The following MYCBP2 variants were observed in gnomAD, a reference collection of about 807,000 sequenced individuals.
MYCBP2 encodes the protein MYC binding protein 2, also known as E3 ubiquitin-protein ligase MYCBP2.
In MYCBP2, 120 loss-of-function variants were observed where a neutral mutation model predicts 525.3. The observed-to-expected ratio is 0.23, with a 90% CI of 0.20 to 0.27. The LOEUF is 0.27. Among genes scored for constraint, MYCBP2 ranks in the 10% least tolerant of loss-of-function variants. MYCBP2 has a pLI of 1.00. For synonymous variants in MYCBP2, 1,894 were observed against 1,955.8 expected (o/e 0.97, Z 0.83); for missense variants, 4,149 against 5,657.1 (o/e 0.73, Z 8.55).
At chr13:77,118,966 G>A (rs921359927) in intron 55 of MYCBP2, among the ~76,000 whole-genome samples, 1 of 151,982 alleles carries the variant, frequency 6.6e-6, no homozygotes, top group African/African-American at 2.4e-5. Flanking sequence ...AAGCAGAATG[G>A]GGCAAAGTAT....
intron 8 of MYCBP2, among the ~76,000 whole-genome samples, chr13:77,264,662 T>A (rs74799193): frequency 6.6e-6 from 1 of 152,124 alleles, no homozygotes; most frequent in Non-Finnish European, 1.5e-5. Flanking sequence ...CAATACTGCA[T>A]GTATCTCCAT....
rs2060619737 is a variant in MYCBP2 at position 77,185,310 on chromosome 13, C to T, written c.4512G>A (p.Leu1504=). 2 of 1,613,860 alleles carry T rather than the reference C, an allele frequency of 1.2e-6. No homozygotes were observed. Among genetic ancestry groups the T allele is most frequent in the African/African-American group, 1.3e-5 (1 of 74,922 alleles). Residue 1504 remains leucine (L), a synonymous_variant, in exon 32 of 83, where the codon TTG becomes TTA. Transcript: ENST00000544440. The stretch of plus-strand genomic sequence containing the variant: ...CTCCTTCTGATAAAATTTTTCTTAA[C>T]AAAGTTCTGGTTTTTCCAATACACT... ...LAECIGKTRT[L]LRKILSEGVD...
At chr13:77,206,880 A>C (rs2154277084) in intron 23 of MYCBP2, 55 bp from the exon 24 acceptor site, 1 of 1,414,482 alleles carries the variant, frequency 7.1e-7, no homozygotes, top group Non-Finnish European at 9.4e-7. Context: ...TTTTAAAAAA[A>C]ATTCCTAAAA....
intron 18 of MYCBP2, among the ~76,000 whole-genome samples, chr13:77,230,713 C>A (rs976290109): frequency 6.6e-6 from 1 of 152,228 alleles, no homozygotes; most frequent in Non-Finnish European, 1.5e-5. Flanking sequence ...CAGCCACCCA[C>A]GTAGACAAAC....
At chr13:77,165,165 T>A (rs1231456848) in intron 42 of MYCBP2, 108 bp downstream of exon 42, 1 of 930,278 alleles carries the variant, frequency 1.1e-6, no homozygotes, top group African/African-American at 1.7e-5. Flanking sequence ...CAGGCCCCAA[T>A]TTTTCGAATA....
chr13:77,110,428 C>A (rs980509400), intron 55 of MYCBP2, among the ~76,000 whole-genome samples: 1 of 152,142 alleles, frequency 6.6e-6, no homozygotes, highest in Non-Finnish European at 1.5e-5. Flanking sequence ...ACCCTGTTTT[C>A]TGTTAAGATG....
In MYCBP2 at chr13:77,058,159, C is replaced by A; in HGVS notation, c.13329+59G>T. On this transcript the variant is annotated intron_variant, in intron 78 of 82. Coordinates refer to ENST00000544440, the MANE Select transcript of MYCBP2 (RefSeq NM_015057.5). The surrounding 1 kb of genome is among the most constrained non-coding windows in gnomAD (Gnocchi z 4.1). ...CCGGCCTCAATCAATGTTTATTTGA[C>A]AAATATATTCCCCATCTTAATGTCT... The A allele has an allele frequency of 6.4e-7, 1 of 1,557,348 alleles. No homozygotes were observed. Among genetic ancestry groups the A allele is most frequent in the South Asian group, 1.2e-5 (1 of 85,066 alleles).
intron 21 of MYCBP2, among the ~76,000 whole-genome samples, chr13:77,216,878 G>C (rs562062668): frequency 6.6e-6 from 1 of 152,040 alleles, no homozygotes; most frequent in Non-Finnish European, 1.5e-5. Flanking sequence ...AGGAGGTAAC[G>C]GGCCATAATG....
intron 63 of MYCBP2, 41 bp downstream of exon 63, chr13:77,082,991 T>C: frequency 8.3e-6 from 13 of 1,563,282 alleles, no homozygotes; most frequent in Non-Finnish European, 1.1e-5. Context: ...CCATAAACTC[T>C]CTTGTCCAAT....
At position 77,150,891 on chromosome 13, in the gene MYCBP2, G is replaced by A; in HGVS notation, c.6974C>T (p.Ala2325Val). ...GCCAGGAATCCTTTGAGGTTTCTTTGCTTGATCTTGTTGTAAAGACATTTT... is the reference window on the plus strand; with the variant it reads ...GCCAGGAATCCTTTGAGGTTTCTTTACTTGATCTTGTTGTAAAGACATTTT... The part of the protein sequence containing the change: ...QKKMSLQQDQ[A>V]KKPQRIPGSP... The change falls in exon 47 of 83, where the codon GCA becomes GTA. Residue 2325 changes from alanine to valine, a missense_variant. Transcript: ENST00000544440. The A allele has an allele frequency of 3.1e-6, 5 of 1,614,070 alleles. No homozygotes were observed. Among genetic ancestry groups the A allele is most frequent in the Non-Finnish European group, 4.2e-6 (5 of 1,179,980 alleles).
chr13:77,203,329 A>G (rs1266246321), intron 26 of MYCBP2, among the ~76,000 whole-genome samples: 3 of 152,180 alleles, frequency 2.0e-5, no homozygotes, highest in African/African-American at 7.2e-5. Context: ...CTAGGAATCC[A>G]ACTTACAAGG....
At chr13:77,296,516 AATT>A in intron 2 of MYCBP2, 80 bp downstream of exon 2, 1 of 1,410,162 alleles carries the variant, frequency 7.1e-7, no homozygotes, top group Non-Finnish European at 9.4e-7. Context: ...AAAATGGTTT[AATT>A]ATATTTTTTA....
intron 49 of MYCBP2, among the ~76,000 whole-genome samples, chr13:77,142,529 G>C (rs1167728952): frequency 1.3e-5 from 2 of 152,160 alleles, no homozygotes; most frequent in Non-Finnish European, 2.9e-5. Flanking sequence ...ACTACTTAAA[G>C]CAGGGTTTCC....
Position 77,273,655 on chromosome 13 carries a change from C to A in MYCBP2, c.762G>T (p.Gln254His). The A allele has an allele frequency of 1.3e-6, 2 of 1,541,726 alleles. No homozygotes were observed. Among genetic ancestry groups the A allele is most frequent in the Non-Finnish European group, 1.7e-6 (2 of 1,148,020 alleles). Residue 254 changes from glutamine (Q) to histidine (H), a missense_variant, in exon 5 of 83, where the codon CAG becomes CAT. Physicochemically the swap from Gln to His is conservative, Grantham distance 24. Around this residue, in one of 21 missense-constraint regions of MYCBP2, gnomAD observed 413 missense variants for 451.2 expected, o/e 0.92. Coordinates refer to ENST00000544440, the MANE Select transcript of MYCBP2 (RefSeq NM_015057.5). ...EPPEVLESLF[Q>H]LLLEITVRST... is the part of the protein sequence containing the mutation. ...TTCGAACGGTGATTTCCAAAAGAAG[C>A]TGGAAGAGAGACTCTGTGGATAAAA...
At chr13:77,197,726 A>G (rs1007971523) in intron 26 of MYCBP2, among the ~76,000 whole-genome samples, 7 of 152,138 alleles carry the variant, frequency 4.6e-5, no homozygotes, top group Non-Finnish European at 1.0e-4. Flanking sequence ...AGGTATGAAA[A>G]CAAAACAAAA....
chr13:77,200,260 G>A (rs1213193450), intron 26 of MYCBP2, among the ~76,000 whole-genome samples: 10 of 152,302 alleles, frequency 6.6e-5, no homozygotes, highest in African/African-American at 2.2e-4. Context: ...AGCCTCAGGA[G>A]CCGATGAGAT....
intron 55 of MYCBP2, among the ~76,000 whole-genome samples, chr13:77,104,414 A>C (rs936624435): frequency 6.6e-6 from 1 of 152,096 alleles, no homozygotes; most frequent in Non-Finnish European, 1.5e-5. Flanking sequence ...CAGAGTTTAT[A>C]TTTAGGAGAA....
intron 2 of MYCBP2, among the ~76,000 whole-genome samples, chr13:77,294,119 T>TATATAC (rs1555465702): frequency 1.6e-5 from 1 of 64,138 alleles, no homozygotes; most frequent in South Asian, 4.4e-4. Context: ...TATATATATA[T>TATATAC]ATATATATAT....
At chr13:77,172,490 G>A (rs1394046105) in intron 37 of MYCBP2, among the ~76,000 whole-genome samples, 1 of 152,186 alleles carries the variant, frequency 6.6e-6, no homozygotes, top group Non-Finnish European at 1.5e-5. Flanking sequence ...CACTCTGGCT[G>A]TGCTGTAGAG....
Sources: allele counts gnomAD v4.1 joint callset (sites outside exome capture counted in the v4.1 genomes callset), GRCh38; gene constraint gnomAD v4.1.1; regional missense constraint gnomAD v4.1.1; non-coding constraint Gnocchi (gnomAD v3.1); transcripts MANE v1.5; gene names NCBI Gene and HGNC (gene_info 2026-07-23, HGNC 2026-07-21).